Variants in SNTB1 observed in about 807,000 individuals in gnomAD.
The protein encoded by SNTB1 is beta-1-syntrophin.
A neutral mutation model predicts 48.9 loss-of-function variants in SNTB1; 36 were observed. That is an observed-to-expected ratio of 0.74 (90% CI 0.56 to 0.97). The LOEUF is 0.97. Ranked by LOEUF, SNTB1 falls within the 50% of genes least tolerant of loss-of-function variation. The pLI is 0.00. For missense variants in SNTB1, 786 were observed against 703.4 expected (o/e 1.12, Z -1.33); for synonymous variants, 299 against 294.6 (o/e 1.01, Z -0.15).
intron 1 of SNTB1, among the ~76,000 whole-genome samples, chr8:120,790,258 T>C (rs533839088): frequency 1.3e-5 from 2 of 152,058 alleles, no homozygotes; most frequent in South Asian, 4.2e-4. Flanking sequence ...AATCCATATA[T>C]GACAAACCCA....
At chr8:120,656,249 T>C (rs1817501104) in intron 2 of SNTB1, among the ~76,000 whole-genome samples, 1 of 152,194 alleles carries the variant, frequency 6.6e-6, no homozygotes, top group Non-Finnish European at 1.5e-5. Context: ...AGAGGTGTTC[T>C]GCTATTTTTC....
chr8:120,811,527 A>T lies in SNTB1; in HGVS notation c.317T>A (p.Ile106Asn). 5.6e-6 allele frequency: 9 copies of T among 1,611,622 alleles called. No homozygotes were observed. Among genetic ancestry groups the T allele is most frequent in the Non-Finnish European group, 7.6e-6 (9 of 1,178,946 alleles). Residue 106 changes from isoleucine to asparagine, a missense_variant, in exon 1 of 7, where the codon ATC becomes AAC. By Grantham distance (149) the Ile-to-Asn change is moderately radical (BLOSUM62 -3). Transcript: ENST00000517992. ...TDLPEQVPESISNQKRGVKVL... is the reference protein window; with the variant it reads ...TDLPEQVPESNSNQKRGVKVL... Reference sequence around the variant, plus strand: ...CTTCACGCCACGCTTCTGGTTCGAGATGGACTCGGGCACCTGCTCGGGCAG... The same window carrying T: ...CTTCACGCCACGCTTCTGGTTCGAGTTGGACTCGGGCACCTGCTCGGGCAG...
intron 4 of SNTB1, among the ~76,000 whole-genome samples, chr8:120,566,567 C>A (rs891580308): frequency 2.0e-5 from 3 of 152,124 alleles, no homozygotes; most frequent in African/African-American, 7.2e-5. Context: ...GTTATAGCAG[C>A]CCCAAATGGA....
intron 4 of SNTB1, among the ~76,000 whole-genome samples, chr8:120,565,899 G>A (rs560403798): frequency 6.6e-6 from 1 of 152,152 alleles, no homozygotes; most frequent in Non-Finnish European, 1.5e-5. Flanking sequence ...TCATGGATAG[G>A]ATTAGTGCCT....
chr8:120,555,545 C>T (rs748930963), intron 4 of SNTB1, among the ~76,000 whole-genome samples: 2 of 152,152 alleles, frequency 1.3e-5, no homozygotes, highest in Non-Finnish European at 2.9e-5. Context: ...ATGTCTAGTC[C>T]GTAGTTCCTG....
chr8:120,692,458 C>G (rs888012429), intron 2 of SNTB1, among the ~76,000 whole-genome samples: 2 of 152,132 alleles, frequency 1.3e-5, no homozygotes, highest in African/African-American at 4.8e-5. Flanking sequence ...TTTGCTGGCT[C>G]GATCCCTCGC....
chr8:120,771,719 G>C (rs1819639180), intron 1 of SNTB1, among the ~76,000 whole-genome samples: 1 of 151,148 alleles, frequency 6.6e-6, no homozygotes, highest in Non-Finnish European at 1.5e-5. Flanking sequence ...CAAACAGAGA[G>C]CTTTAATTTA....
chr8:120,763,699 A>T (rs975253262), intron 1 of SNTB1, among the ~76,000 whole-genome samples: 4 of 152,224 alleles, frequency 2.6e-5, no homozygotes, highest in African/African-American at 9.7e-5. Context: ...ACCTATAAGA[A>T]TTAACCAACC....
At chr8:120,644,512 A>C (rs1467528271) in intron 2 of SNTB1, among the ~76,000 whole-genome samples, 1 of 152,120 alleles carries the variant, frequency 6.6e-6, no homozygotes, top group African/African-American at 2.4e-5. Context: ...TTATGGCTAC[A>C]TGGTATTCCA....
At chr8:120,556,501 A>T (rs1049406885) in intron 4 of SNTB1, among the ~76,000 whole-genome samples, 1 of 152,210 alleles carries the variant, frequency 6.6e-6, no homozygotes, top group Non-Finnish European at 1.5e-5. Context: ...TCTTTATATC[A>T]TTCCCAATGA....
intron 2 of SNTB1, among the ~76,000 whole-genome samples, chr8:120,635,154 A>G (rs1159185125): frequency 6.6e-6 from 1 of 152,202 alleles, no homozygotes; most frequent in African/African-American, 2.4e-5. Context: ...TCTTTAGGTG[A>G]CAACTGTCCT....
In SNTB1 at chr8:120,722,912, T is replaced by C. The variant is rs1008383274; in HGVS notation, c.572-29004A>G. Among the ~76,000 whole-genome samples the C allele has an allele frequency of 2.6e-5, 4 of 152,256 alleles. No individual in the cohort carries two copies. In the East Asian group the frequency reaches 7.7e-4, roughly 29 times the overall value. ...AAGTCTTTAATCCATCTTGAATTAA[T>C]TTTTGTATAAGGTGTAAGGAAGGGT... On this transcript the variant is annotated intron_variant, in intron 1 of 6. Coordinates refer to ENST00000517992, the MANE Select transcript of SNTB1 (RefSeq NM_021021.4).
intron 4 of SNTB1, among the ~76,000 whole-genome samples, chr8:120,556,206 G>A (rs1354749623): frequency 2.0e-5 from 3 of 152,116 alleles, no homozygotes; most frequent in Admixed American, 6.5e-5. Flanking sequence ...CCAGTTTTGG[G>A]GAGACTCATT....
At chr8:120,773,431 T>G (rs1361849861) in intron 1 of SNTB1, among the ~76,000 whole-genome samples, 1 of 152,212 alleles carries the variant, frequency 6.6e-6, no homozygotes, top group Admixed American at 6.5e-5. Context: ...CCTGGAAGAA[T>G]TCCAGATTGT....
chr8:120,659,351 C>CT (rs377390536), intron 2 of SNTB1, among the ~76,000 whole-genome samples: 3 of 151,624 alleles, frequency 2.0e-5, no homozygotes, highest in Non-Finnish European at 4.4e-5. Flanking sequence ...CAAGAAGCCA[C>CT]TTTTTTTTTG....
Position 120,575,155 on chromosome 8 carries a change from T to C in SNTB1, c.1067A>G (p.Tyr356Cys), listed in dbSNP as rs776449114. The C allele has an allele frequency of 6.2e-7, 1 of 1,614,110 alleles. No individual in the cohort carries two copies. Among genetic ancestry groups the C allele is most frequent in the South Asian group, 1.1e-5 (1 of 91,078 alleles). Residue 356 changes from tyrosine to cysteine, a missense_variant, in exon 4 of 7, where the codon TAT (tyrosine) becomes TGT (cysteine). Tyr to Cys is a radical substitution (Grantham distance 194). Coordinates refer to ENST00000517992, the MANE Select transcript of SNTB1 (RefSeq NM_021021.4). ...TTCCTTCCTCCGTGGCATGCTGTCATAGATTAAAAGGTCTTTCTCAGTCAG... is the reference window on the plus strand; with the variant it reads ...TTCCTTCCTCCGTGGCATGCTGTCACAGATTAAAAGGTCTTTCTCAGTCAG... Reference protein sequence around the residue: ...VVLTEKDLLIYDSMPRRKEAW... With the variant: ...VVLTEKDLLICDSMPRRKEAW...
intron 4 of SNTB1, among the ~76,000 whole-genome samples, chr8:120,558,282 T>TA (rs1380003433): frequency 6.6e-6 from 1 of 152,160 alleles, no homozygotes; most frequent in African/African-American, 2.4e-5. Context: ...AACTATACTA[T>TA]AGTAACCAAG....
At chr8:120,541,417 C>T (rs930257793) in intron 6 of SNTB1, among the ~76,000 whole-genome samples, 3 of 152,186 alleles carry the variant, frequency 2.0e-5, no homozygotes, top group Admixed American at 6.5e-5. Context: ...TCCTCGGAGA[C>T]TTCCCTGACG....
At chr8:120,641,689 C>T (rs945170771) in intron 2 of SNTB1, among the ~76,000 whole-genome samples, 7 of 152,118 alleles carry the variant, frequency 4.6e-5, no homozygotes, top group African/African-American at 1.7e-4. Flanking sequence ...TGTAGGTGTC[C>T]ACCTCAACTG....
Sources: gnomAD v4.1 joint callset for allele counts (sites outside exome capture counted in the v4.1 genomes callset) on GRCh38, gnomAD v4.1.1 for gene constraint, MANE v1.5 for transcripts, NCBI Gene and HGNC (gene_info 2026-07-23, HGNC 2026-07-21) for gene names.